The following PROSER1 variants were observed in gnomAD, a reference collection of about 807,000 sequenced individuals.
The protein encoded by PROSER1 is proline and serine rich 1.
Under a neutral mutation model 71.8 loss-of-function variants are expected in PROSER1, and 36 were observed. The ratio of observed to expected loss-of-function variants is 0.50; its 90% CI spans 0.38 to 0.66. PROSER1 has a LOEUF of 0.66. Among genes scored for constraint, PROSER1 ranks in the 30% least tolerant of loss-of-function variants. The probability of loss-of-function intolerance (pLI) is 0.00; values close to 1 mark genes in which losing one functional copy is unlikely to be tolerated. For missense variants in PROSER1, 1,107 were observed against 1,135.0 expected, an observed-to-expected ratio of 0.98 and a Z score of 0.35; for synonymous variants, 490 against 452.4, an observed-to-expected ratio of 1.08 and a Z score of -1.06.
At position 39,009,910 on chromosome 13, in the gene PROSER1, T is replaced by C. The variant is rs1403178031; in HGVS notation, c.*1455A>G. ...TGGGTATAGATTTAAGAAAAACAAA[T>C]GGCAACTTCCAGCAACTGGTATCAG... On this transcript the variant is annotated 3_prime_UTR_variant, in exon 13 of 13. Coordinates refer to ENST00000352251, the MANE Select transcript of PROSER1 (RefSeq NM_025138.5). 1 of 152,588 alleles carries C rather than the reference T, an allele frequency of 6.6e-6. No individual in the cohort carries two copies. The highest frequency in any genetic ancestry group is 1.5e-5 in the Non-Finnish European group (1 of 68,008). 9.5% of individuals were successfully genotyped at this position (152,588 alleles called of 1,614,324 possible).
At chr13:39,012,599 A>T in intron 11 of PROSER1, 92 bp downstream of exon 11, 4 of 1,069,166 alleles carry the variant, frequency 3.7e-6, no homozygotes, top group Non-Finnish European at 5.4e-6. Flanking sequence ...CATCATTTAG[A>T]TTTTGACATT....
chr13:39,016,435 CT>C (rs1416593966), intron 10 of PROSER1, among the ~76,000 whole-genome samples: 1 of 152,170 alleles, frequency 6.6e-6, no homozygotes, highest in Non-Finnish European at 1.5e-5. Flanking sequence ...AGACTCATGT[CT>C]TTAACTGCTA....
chr13:39,030,174 T>G (rs1002875569), intron 3 of PROSER1, among the ~76,000 whole-genome samples: 1 of 152,206 alleles, frequency 6.6e-6, no homozygotes, highest in African/African-American at 2.4e-5. Context: ...GTTTTTAAAT[T>G]GATACCTAAC....
At chr13:39,017,263 T>C (rs914015674) in intron 10 of PROSER1, among the ~76,000 whole-genome samples, 7 of 152,236 alleles carry the variant, frequency 4.6e-5, no homozygotes, top group African/African-American at 7.2e-5. Context: ...ACTGCAAGTT[T>C]TGCAAATTGT....
At chr13:39,016,155 G>A (rs940467349) in intron 10 of PROSER1, among the ~76,000 whole-genome samples, 3 of 151,926 alleles carry the variant, frequency 2.0e-5, no homozygotes, top group South Asian at 2.1e-4. Context: ...AAAATGAAAC[G>A]AACAAAAATA....
chr13:39,022,975 T>G (rs898468746), intron 8 of PROSER1, 77 bp downstream of exon 8: 5 of 1,257,750 alleles, frequency 4.0e-6, no homozygotes, highest in Non-Finnish European at 5.7e-6. Flanking sequence ...GCCAACCACA[T>G]AGACCAGCAT....
At position 39,014,102 on chromosome 13, in the gene PROSER1, G is replaced by T; in HGVS notation, c.1150C>A (p.Pro384Thr). The T allele has an allele frequency of 6.2e-7, 1 of 1,613,198 alleles. No individual in the cohort carries two copies. The highest frequency in any genetic ancestry group is 8.5e-7 in the Non-Finnish European group (1 of 1,179,712). ...TPTAATPTPG[P>T]TPRSTLGSSE... The stretch of plus-strand genomic sequence containing the variant: ...GAACCAAGAGTGGACCGTGGTGTAG[G>T]TCCTGGGGTAGGAGTGGCTGCGGTA... Residue 384 changes from proline to threonine, a missense_variant, in exon 11 of 13, where the codon CCT (proline) becomes ACT (threonine). Transcript: ENST00000352251.
chr13:39,026,399 G>A lies in PROSER1; in HGVS notation c.370-12C>T. On this transcript the variant is annotated splice_polypyrimidine_tract_variant and intron_variant, in intron 5 of 12. Coordinates refer to ENST00000352251, the MANE Select transcript of PROSER1 (RefSeq NM_025138.5). ...CCCCCCTTGAAAGCCTGTAATATAA[G>A]AAAGAAGAGGGGTAGGAAAAAAATT... The A allele has an allele frequency of 6.4e-7, 1 of 1,562,308 alleles. No individual in the cohort carries two copies. Among genetic ancestry groups the A allele is most frequent in the Non-Finnish European group, 8.7e-7 (1 of 1,143,178 alleles).
At chr13:39,020,739 T>C (rs1317764245) in intron 9 of PROSER1, among the ~76,000 whole-genome samples, 1 of 152,212 alleles carries the variant, frequency 6.6e-6, no homozygotes, top group Non-Finnish European at 1.5e-5. Flanking sequence ...TCATATACTC[T>C]TATGGACAGG....
intron 10 of PROSER1, among the ~76,000 whole-genome samples, chr13:39,015,717 G>C (rs1351577606): frequency 6.6e-6 from 1 of 152,032 alleles, no homozygotes; most frequent in Non-Finnish European, 1.5e-5. Context: ...TTGGAAAATT[G>C]ACAGTCATAT....
intron 1 of PROSER1, among the ~76,000 whole-genome samples, chr13:39,035,387 G>GC (rs891644134): frequency 1.3e-5 from 2 of 152,108 alleles, no homozygotes; most frequent in Admixed American, 1.3e-4. Context: ...TTTGAATACT[G>GC]CCCCCAGCCC....
At chr13:39,018,967 T>C (rs1870150670) in intron 9 of PROSER1, among the ~76,000 whole-genome samples, 1 of 152,068 alleles carries the variant, frequency 6.6e-6, no homozygotes, top group Non-Finnish European at 1.5e-5. Context: ...AGAGACCAAG[T>C]TCCCAATAAA....
intron 5 of PROSER1, among the ~76,000 whole-genome samples, chr13:39,027,105 T>C (rs1329408054): frequency 6.6e-6 from 1 of 152,160 alleles, no homozygotes; most frequent in Admixed American, 6.6e-5. Context: ...TGTATATATA[T>C]ATTCACAAGT....
At chr13:39,026,559 CTTTA>C in intron 5 of PROSER1, 172 bp from the exon 6 acceptor site, 2 of 477,478 alleles carry the variant, frequency 4.2e-6, no homozygotes, top group Non-Finnish European at 7.4e-6. Flanking sequence ...AATAAAATCA[CTTTA>C]TTTAAATGGA....
chr13:39,014,526 T>C, intron 10 of PROSER1, 50 bp from the exon 11 acceptor site: 1 of 1,357,600 alleles, frequency 7.4e-7, no homozygotes, highest in Non-Finnish European at 1.0e-6. Flanking sequence ...TGCTGAAACG[T>C]CAAATTTTGA....
intron 8 of PROSER1, 48 bp from the exon 9 acceptor site, chr13:39,022,460 T>C: frequency 3.2e-6 from 4 of 1,247,912 alleles, no homozygotes; most frequent in Non-Finnish European, 4.7e-6. Flanking sequence ...GACTGTTCTG[T>C]GACTGGTATT....
At chr13:39,011,809 T>C (rs1415260013) in intron 12 of PROSER1, among the ~76,000 whole-genome samples, 2 of 152,218 alleles carry the variant, frequency 1.3e-5, no homozygotes, top group African/African-American at 2.4e-5. Flanking sequence ...CTGTCATGAA[T>C]AGATTCTTAA....
Position 39,014,151 on chromosome 13 carries a change from T to A in PROSER1, c.1101A>T (p.Ser367=). Residue 367 remains serine (S), a synonymous_variant, in exon 11 of 13, where the codon TCA becomes TCT. Coordinates refer to ENST00000352251, the MANE Select transcript of PROSER1 (RefSeq NM_025138.5). ...TAGGAGTGGCAGAAGGACCTGGCAG[T>A]GACACTAGGCCAGAAAAAATGGAAG... The part of the protein sequence containing the change: ...PVPSIFSGLV[S]LPGPSATPTA... 1 of 1,614,006 alleles carries A rather than the reference T, an allele frequency of 6.2e-7. No individual in the cohort carries two copies. The highest frequency in any genetic ancestry group is 1.6e-4 in the Middle Eastern group (1 of 6,062).
intron 11 of PROSER1, 88 bp from the exon 12 acceptor site, chr13:39,012,321 T>A: frequency 1.4e-6 from 2 of 1,408,542 alleles, no homozygotes. Context: ...TCTTAAAATG[T>A]TAAAAACAAA....
Sources: allele counts gnomAD v4.1 joint callset (sites outside exome capture counted in the v4.1 genomes callset), GRCh38; gene constraint gnomAD v4.1.1; transcripts MANE v1.5; gene names NCBI Gene and HGNC (gene_info 2026-07-23, HGNC 2026-07-21).